NIPBL: variants seen among roughly 807,000 people sequenced by gnomAD.
NIPBL encodes the protein nipped-B-like protein.
Under a neutral mutation model 321.8 loss-of-function variants are expected in NIPBL, and 19 were observed. The ratio of observed to expected loss-of-function variants is 0.06; its 90% CI spans 0.04 to 0.09. The LOEUF (loss-of-function observed/expected upper bound fraction) is 0.09. Ranked by LOEUF, NIPBL falls within the 10% of genes least tolerant of loss-of-function variation. The probability of loss-of-function intolerance (pLI) is 1.00; values close to 1 mark genes in which losing one functional copy is unlikely to be tolerated. For missense variants in NIPBL, 2,210 were observed against 3,327.0 expected, an observed-to-expected ratio of 0.66 and a Z score of 8.26; for synonymous variants, 1,106 against 1,114.1, an observed-to-expected ratio of 0.99 and a Z score of 0.14.
At chr5:37,036,742 A>G (rs188364633) in intron 33 of NIPBL, among the ~76,000 whole-genome samples, 1 of 151,778 alleles carries the variant, frequency 6.6e-6, no homozygotes, top group East Asian at 1.9e-4. Flanking sequence ...TTAATAGCAT[A>G]TTATAATTTT....
At position 36,985,452 on chromosome 5, in the gene NIPBL, C is replaced by G. The variant is rs1338006777; in HGVS notation, c.2272C>G (p.Pro758Ala). ...AAAAAATGAAGGGCGACCTGAAACACCAAAACACAGGCATGACAATAGGAG... is the reference window on the plus strand; with the variant it reads ...AAAAAATGAAGGGCGACCTGAAACAGCAAAACACAGGCATGACAATAGGAG... ...KQKNEGRPET[P>A]KHRHDNRRDS... The change falls in exon 10 of 47, where the codon CCA (proline) becomes GCA (alanine). Residue 758 changes from proline (P) to alanine (A), a missense_variant. Coordinates refer to ENST00000282516, the MANE Select transcript of NIPBL (RefSeq NM_133433.4). 2 of 1,613,514 alleles carry G rather than the reference C, an allele frequency of 1.2e-6. No individual in the cohort carries two copies. Among genetic ancestry groups the G allele is most frequent in the East Asian group, 4.5e-5 (2 of 44,872 alleles).
In NIPBL at chr5:37,003,994, A is replaced by C. The variant is rs187776771; in HGVS notation, c.3855+647A>C. Among the ~76,000 whole-genome samples the C allele has an allele frequency of 3.3e-3, 510 of 152,290 alleles. 2 individuals are homozygous for C. Among genetic ancestry groups the C allele is most frequent in the African/African-American group, 0.012 (490 of 41,560 alleles). The stretch of plus-strand genomic sequence containing the variant: ...TTCTTTTTGTTGAGCTTCCCTGAAG[A>C]AATAACATAGTTAGAAACCTTATGA... On this transcript the variant is annotated intron_variant, in intron 16 of 46. Coordinates refer to ENST00000282516, the MANE Select transcript of NIPBL (RefSeq NM_133433.4).
intron 1 of NIPBL, among the ~76,000 whole-genome samples, chr5:36,899,361 C>T (rs952672272): frequency 6.6e-6 from 1 of 151,828 alleles, no homozygotes. Flanking sequence ...ATGTGATTGT[C>T]TTATGTACTT....
chr5:37,036,776 A>G lies in NIPBL; in HGVS notation c.5971+289A>G, dbSNP rs193193756. ...TTAGATGTCATATTGAATAGGAGTAAAAATCCAGGGGCTAATATGTATCTA... is the reference window on the plus strand; with the variant it reads ...TTAGATGTCATATTGAATAGGAGTAGAAATCCAGGGGCTAATATGTATCTA... On this transcript the variant is annotated intron_variant, in intron 33 of 46. Coordinates refer to ENST00000282516, the MANE Select transcript of NIPBL (RefSeq NM_133433.4). Among the ~76,000 whole-genome samples the G allele has an allele frequency of 6.9e-3, 1,049 of 151,936 alleles. 11 individuals carry two copies. The highest frequency in any genetic ancestry group is 0.024 in the African/African-American group (990 of 41,468).
At chr5:36,961,207 C>T (rs1741582894) in intron 4 of NIPBL, among the ~76,000 whole-genome samples, 1 of 152,066 alleles carries the variant, frequency 6.6e-6, no homozygotes, top group Non-Finnish European at 1.5e-5. Context: ...CTTTTCAATT[C>T]TAAGGCTAAA....
intron 1 of NIPBL, among the ~76,000 whole-genome samples, chr5:36,888,832 T>A (rs1380179418): frequency 6.6e-6 from 1 of 152,146 alleles, no homozygotes; most frequent in Non-Finnish European, 1.5e-5. Flanking sequence ...AAGGGCATTT[T>A]AAAATGTAAT....
intron 10 of NIPBL, among the ~76,000 whole-genome samples, chr5:36,987,618 G>A (rs898791834): frequency 1.3e-5 from 2 of 152,050 alleles, no homozygotes; most frequent in African/African-American, 4.8e-5. Context: ...TTCTTGCTTG[G>A]TCTTCGTCAA....
chr5:37,061,167 GAGTTACTTTAAGCTTGTCTTTCCC>G (rs1754624803), intron 45 of NIPBL, 149 bp downstream of exon 45: 3 of 639,838 alleles, frequency 4.7e-6, no homozygotes, highest in Non-Finnish European at 5.4e-6. Context: ...TTATTTTAAT[GAGTTACTTTAAGCTTGTCTTTCCC>G]ATTGCACCCA....
chr5:37,026,440 C>T (rs761212800), intron 31 of NIPBL, 113 bp downstream of exon 31: 87 of 717,236 alleles, frequency 1.2e-4, no homozygotes, highest in African/African-American at 1.1e-4. Context: ...CTTGACATTT[C>T]GTACTGCTGC....
intron 34 of NIPBL, among the ~76,000 whole-genome samples, chr5:37,039,660 T>C (rs1483714950): frequency 6.6e-6 from 1 of 152,200 alleles, no homozygotes; most frequent in Admixed American, 6.5e-5. Context: ...TCACATACTG[T>C]GTTCCTAATG....
At chr5:37,052,691 A>T in intron 42 of NIPBL, 125 bp downstream of exon 42, 2 of 748,594 alleles carry the variant, frequency 2.7e-6, no homozygotes, top group Non-Finnish European at 4.4e-6. Flanking sequence ...GTGTTTTCTT[A>T]ATCTTCTAAG....
At chr5:36,972,081 T>A (rs780066089) in intron 8 of NIPBL, 40 bp downstream of exon 8, 57 of 1,356,048 alleles carry the variant, frequency 4.2e-5, no homozygotes, top group Non-Finnish European at 5.6e-5. Context: ...ATATTTTATA[T>A]TTGAAGTTGA....
intron 46 of NIPBL, 61 bp downstream of exon 46, chr5:37,064,039 CTTATATATGT>C (rs779356219): frequency 6.3e-7 from 1 of 1,585,410 alleles, no homozygotes; most frequent in East Asian, 2.3e-5. Context: ...TTTTTATGTG[CTTATATATGT>C]CAGTCTATTA....
At chr5:36,908,301 C>G (rs1747795472) in intron 1 of NIPBL, among the ~76,000 whole-genome samples, 2 of 152,092 alleles carry the variant, frequency 1.3e-5, no homozygotes, top group African/African-American at 4.8e-5. Flanking sequence ...AAGCAAATAA[C>G]CAAAGTTAAC....
chr5:37,060,827 T>C lies in NIPBL; in HGVS notation c.7686-17T>C. ...TTCCATAGTTTTAAAGTTTTTGGTT[T>C]TGTTTTCCCAAAACAGTAAAATTCA... On this transcript the variant is annotated splice_polypyrimidine_tract_variant and intron_variant, in intron 44 of 46. Transcript: ENST00000282516. 2 of 1,610,390 alleles carry C rather than the reference T, an allele frequency of 1.2e-6. No individual in the cohort carries two copies. Among genetic ancestry groups the C allele is most frequent in the Non-Finnish European group, 1.7e-6 (2 of 1,178,326 alleles).
chr5:36,889,380 T>C (rs1746150959), intron 1 of NIPBL, among the ~76,000 whole-genome samples: 2 of 152,134 alleles, frequency 1.3e-5, no homozygotes, highest in Admixed American at 6.5e-5. Flanking sequence ...AATTGTAGGC[T>C]TGGGGCTAAA....
intron 42 of NIPBL, 25 bp downstream of exon 42, chr5:37,052,591 A>G (rs754744667): frequency 6.3e-7 from 1 of 1,575,566 alleles, no homozygotes; most frequent in Non-Finnish European, 8.7e-7. Context: ...TTATTATTTT[A>G]AGAAAATAAG....
chr5:37,051,722 T>C, intron 40 of NIPBL, 57 bp from the exon 41 acceptor site: 1 of 1,215,876 alleles, frequency 8.2e-7, no homozygotes, highest in Non-Finnish European at 1.2e-6. Flanking sequence ...TTGACATATG[T>C]CTAAATAGAG....
At chr5:37,057,541 A>G (rs1448593424) in intron 43 of NIPBL, among the ~76,000 whole-genome samples, 1 of 152,232 alleles carries the variant, frequency 6.6e-6, no homozygotes, top group South Asian at 2.1e-4. Flanking sequence ...AAATAGATAT[A>G]TGGATTGTTC....
Sources: allele counts gnomAD v4.1 joint callset (sites outside exome capture counted in the v4.1 genomes callset), GRCh38; gene constraint gnomAD v4.1.1; transcripts MANE v1.5; gene names NCBI Gene and HGNC (gene_info 2026-07-23, HGNC 2026-07-21).